NCEH1: variants seen among roughly 807,000 people sequenced by gnomAD.
NCEH1 encodes the protein 2-acetyl MAGE hydrolase.
Under a neutral mutation model 25.4 loss-of-function variants are expected in NCEH1, and 9 were observed. The ratio of observed to expected loss-of-function variants is 0.35; its 90% confidence interval spans 0.21 to 0.62. NCEH1 has a LOEUF of 0.62. NCEH1 is among the 20% of genes least tolerant of loss of function. NCEH1 has a pLI of 0.72. For missense variants in NCEH1, 412 were observed against 501.1 expected (o/e 0.82, Z 1.70); for synonymous variants, 200 against 199.8 (o/e 1.00, Z -0.01).
intron 1 of NCEH1, among the ~76,000 whole-genome samples, chr3:172,705,676 T>C (rs1713939802): frequency 2.0e-5 from 3 of 152,298 alleles, no homozygotes; most frequent in African/African-American, 7.2e-5. Context: ...CACTGGACTC[T>C]TTCCCTTGTA....
At chr3:172,657,727 T>G (rs1208630259) in intron 1 of NCEH1, among the ~76,000 whole-genome samples, 1 of 152,208 alleles carries the variant, frequency 6.6e-6, no homozygotes, top group Non-Finnish European at 1.5e-5. Context: ...AAGAAAAATC[T>G]AAAGTTGGCA....
At chr3:172,705,815 G>A (rs1713948597) in intron 1 of NCEH1, among the ~76,000 whole-genome samples, 1 of 152,044 alleles carries the variant, frequency 6.6e-6, no homozygotes, top group Non-Finnish European at 1.5e-5. Flanking sequence ...TGACCAACAT[G>A]GTGAAACTCT....
chr3:172,651,989 G>A (rs1717425361), intron 1 of NCEH1, among the ~76,000 whole-genome samples: 1 of 152,188 alleles, frequency 6.6e-6, no homozygotes, highest in South Asian at 2.1e-4. Context: ...AGGAAATGAG[G>A]GCTGTATAGA....
intron 1 of NCEH1, among the ~76,000 whole-genome samples, chr3:172,658,848 T>C (rs1052542192): frequency 6.1e-5 from 9 of 146,708 alleles, no homozygotes; most frequent in Non-Finnish European, 1.1e-4. Context: ...AACTTTTTTT[T>C]TTTTTTTTTT....
chr3:172,696,056 T>C (rs907146316), intron 1 of NCEH1, among the ~76,000 whole-genome samples: 6 of 152,190 alleles, frequency 3.9e-5, no homozygotes, highest in African/African-American at 1.4e-4. Flanking sequence ...CTACGGACCC[T>C]AAAACTTTAA....
chr3:172,653,417 C>T (rs1173848865), intron 1 of NCEH1, among the ~76,000 whole-genome samples: 2 of 152,138 alleles, frequency 1.3e-5, no homozygotes, highest in Non-Finnish European at 2.9e-5. Context: ...ATGAAGTATA[C>T]CCTATGGGCA....
chr3:172,683,113 C>T lies in NCEH1; in HGVS notation c.138+27734G>A, dbSNP rs756374577. On this transcript the variant is annotated intron_variant, in intron 1 of 4. Coordinates refer to ENST00000475381, the MANE Select transcript of NCEH1 (RefSeq NM_020792.6). ...CCTGTAAACCCAGTGCTTTAAGAAG[C>T]GGAGGCAGGGCCGGGCGCGGTGGCT... Among the ~76,000 whole-genome samples, 6 of 131,446 alleles carry T rather than the reference C, an allele frequency of 4.6e-5. 1 individual carries two copies. The highest frequency in any genetic ancestry group is 1.5e-4 in the African/African-American group (5 of 33,462). 86.2% of individuals were successfully genotyped at this position (131,446 alleles called of 152,430 possible).
chr3:172,644,756 C>T (rs1717037415), intron 3 of NCEH1, among the ~76,000 whole-genome samples: 1 of 152,188 alleles, frequency 6.6e-6, no homozygotes, highest in Non-Finnish European at 1.5e-5. Context: ...TTTCCAGGCA[C>T]TAATGATTCA....
At chr3:172,659,513 T>C (rs186349090) in intron 1 of NCEH1, among the ~76,000 whole-genome samples, 2 of 152,296 alleles carry the variant, frequency 1.3e-5, no homozygotes, top group Admixed American at 6.5e-5. Context: ...GCTGACTCTT[T>C]ATAGCACCCT....
At chr3:172,663,853 G>A (rs1718083128) in intron 1 of NCEH1, among the ~76,000 whole-genome samples, 1 of 152,026 alleles carries the variant, frequency 6.6e-6, no homozygotes, top group Non-Finnish European at 1.5e-5. Context: ...GCCTATGTGT[G>A]TCTCTGCATG....
At chr3:172,696,507 C>A (rs533812698) in intron 1 of NCEH1, among the ~76,000 whole-genome samples, 1 of 152,266 alleles carries the variant, frequency 6.6e-6, no homozygotes, top group Admixed American at 6.5e-5. Flanking sequence ...TAACAATGAA[C>A]AATAAACCTT....
chr3:172,653,217 C>T (rs543926343), intron 1 of NCEH1, among the ~76,000 whole-genome samples: 21 of 152,262 alleles, frequency 1.4e-4, no homozygotes, highest in Admixed American at 9.8e-4. Flanking sequence ...GTACTCATTA[C>T]GCCCCAGTGG....
At chr3:172,682,976 C>T (rs1197470903) in intron 1 of NCEH1, among the ~76,000 whole-genome samples, 3 of 152,234 alleles carry the variant, frequency 2.0e-5, no homozygotes, top group African/African-American at 4.8e-5. Context: ...GCCCCTGCCA[C>T]CAGCTAAGAA....
At chr3:172,653,732 TC>T (rs2108500780) in intron 1 of NCEH1, among the ~76,000 whole-genome samples, 2 of 60,932 alleles carry the variant, frequency 3.3e-5, no homozygotes, top group African/African-American at 6.2e-5. Context: ...TTGTTGTTGT[TC>T]TGTTTTTTTT....
chr3:172,697,102 TTTTTG>T (rs2108533761), intron 1 of NCEH1, among the ~76,000 whole-genome samples: 1 of 151,818 alleles, frequency 6.6e-6, no homozygotes, highest in Admixed American at 6.6e-5. Flanking sequence ...TTTTTTTTTT[TTTTTG>T]AAGTATAGAT....
At chr3:172,635,335 A>G (rs1716549480) in intron 4 of NCEH1, among the ~76,000 whole-genome samples, 3 of 152,270 alleles carry the variant, frequency 2.0e-5, no homozygotes. Flanking sequence ...TACTTCATCC[A>G]TAACAGGAAG....
intron 1 of NCEH1, among the ~76,000 whole-genome samples, chr3:172,682,728 A>G (rs1314798387): frequency 1.3e-5 from 2 of 152,214 alleles, no homozygotes; most frequent in Non-Finnish European, 2.9e-5. Flanking sequence ...ATTTAGGAAA[A>G]ACAAACAAAA....
At chr3:172,649,575 G>T (rs572705397) in intron 1 of NCEH1, among the ~76,000 whole-genome samples, 1 of 152,320 alleles carries the variant, frequency 6.6e-6, no homozygotes, top group South Asian at 2.1e-4. Flanking sequence ...CTGCACAGAG[G>T]ATTCTAACTA....
Position 172,705,123 on chromosome 3 carries a change from T to C in NCEH1, c.138+5724A>G, listed in dbSNP as rs1713903840. Among the ~76,000 whole-genome samples the C allele has an allele frequency of 2.6e-5, 4 of 152,228 alleles. No homozygotes were observed. The South Asian group carries it at 8.3e-4, about 32-fold the overall frequency. On this transcript the variant is annotated intron_variant, in intron 1 of 4. Transcript: ENST00000475381. ...ATGCACATCAGTTCCACTTTAGAAA[T>C]AGAAAAATTATCCCTGGGGGGAAAA...
Sources: gnomAD v4.1 joint callset for allele counts (sites outside exome capture counted in the v4.1 genomes callset) on GRCh38, gnomAD v4.1.1 for gene constraint, MANE v1.5 for transcripts, NCBI Gene and HGNC (gene_info 2026-07-23, HGNC 2026-07-21) for gene names.